TRPM3: variants seen among roughly 807,000 people sequenced by gnomAD.
The protein encoded by TRPM3 is transient receptor potential cation channel subfamily M member 3, also known as long transient receptor potential channel 3.
A neutral mutation model predicts 181.2 loss-of-function variants in TRPM3; 77 were observed. The ratio of observed to expected loss-of-function variants is 0.42; its 90% CI spans 0.35 to 0.51. The LOEUF is 0.51. Among genes scored for constraint, TRPM3 ranks in the 20% least tolerant of loss-of-function variants. TRPM3 has a pLI of 0.01. For missense variants in TRPM3, 1,759 were observed against 2,196.7 expected (o/e 0.80, Z 3.98); for synonymous variants, 745 against 796.4 (o/e 0.94, Z 1.09).
intron 6 of TRPM3, among the ~76,000 whole-genome samples, chr9:70,788,302 A>T (rs1160510035): frequency 6.6e-6 from 1 of 151,276 alleles, no homozygotes; most frequent in Non-Finnish European, 1.5e-5. Context: ...TTGTTAATGG[A>T]CCCTTGCAAA....
intron 1 of TRPM3, among the ~76,000 whole-genome samples, chr9:71,349,765 C>T (rs188098094): frequency 5.0e-4 from 76 of 152,132 alleles, no homozygotes; most frequent in Middle Eastern, 3.4e-3. Flanking sequence ...CTTTCCCCCA[C>T]GTGAATTCTT....
intron 1 of TRPM3, among the ~76,000 whole-genome samples, chr9:70,874,795 T>C (rs1361592680): frequency 2.0e-5 from 3 of 151,828 alleles, no homozygotes; most frequent in African/African-American, 7.3e-5. Context: ...AATGAAAAAA[T>C]AGTTACAAAG....
intron 3 of TRPM3, among the ~76,000 whole-genome samples, chr9:70,849,298 C>T (rs2095124541): frequency 6.6e-6 from 1 of 152,134 alleles, no homozygotes; most frequent in Non-Finnish European, 1.5e-5. Context: ...GTGCCCACCA[C>T]CAGGCCCAGC....
chr9:71,261,634 A>C (rs2083060744), intron 1 of TRPM3, among the ~76,000 whole-genome samples: 1 of 152,104 alleles, frequency 6.6e-6, no homozygotes, highest in East Asian at 1.9e-4. Context: ...CCTAATCTTC[A>C]TGGATTTATC....
At chr9:71,066,485 T>C (rs903012302) in intron 1 of TRPM3, among the ~76,000 whole-genome samples, 13 of 152,162 alleles carry the variant, frequency 8.5e-5, no homozygotes, top group Admixed American at 3.9e-4. Context: ...TCATAAATAA[T>C]GGATTCTATA....
intron 6 of TRPM3, among the ~76,000 whole-genome samples, chr9:70,791,988 G>A (rs752053586): frequency 6.6e-6 from 1 of 152,162 alleles, no homozygotes; most frequent in Non-Finnish European, 1.5e-5. Context: ...AAGGACAGAA[G>A]CTGGGCAGTG....
chr9:70,637,013 G>A (rs920485516), intron 11 of TRPM3, among the ~76,000 whole-genome samples: 1 of 152,102 alleles, frequency 6.6e-6, no homozygotes, highest in Non-Finnish European at 1.5e-5. Context: ...AACCATTCAA[G>A]TATTGAGACA....
At chr9:70,803,121 G>C (rs2089674371) in intron 6 of TRPM3, among the ~76,000 whole-genome samples, 1 of 150,890 alleles carries the variant, frequency 6.6e-6, no homozygotes, top group Non-Finnish European at 1.5e-5. Flanking sequence ...GTCTTTGATG[G>C]GGGAGAAGTG....
At chr9:71,263,619 A>C (rs1032686262) in intron 1 of TRPM3, among the ~76,000 whole-genome samples, 1 of 152,086 alleles carries the variant, frequency 6.6e-6, no homozygotes, top group Non-Finnish European at 1.5e-5. Flanking sequence ...CAGCACTTAC[A>C]TGGTTCTGCA....
rs143154888 is a variant in TRPM3 at position 71,204,940 on chromosome 9, A to C, written c.183+241713T>G. ...GACATGGATGAAGCCAGAAACCATC[A>C]TTCTCCGTAAACTATCGCAAGGACA... On this transcript the variant is annotated intron_variant, in intron 1 of 24. Transcript: ENST00000357533. Among the ~76,000 whole-genome samples, 206 of 152,216 alleles carry C rather than the reference A, an allele frequency of 1.4e-3. 2 individuals are homozygous for C. Among genetic ancestry groups the C allele is most frequent in the African/African-American group, 3.7e-3 (152 of 41,522 alleles).
chr9:70,956,041 C>T lies in TRPM3; in HGVS notation c.178-91530G>A, dbSNP rs570144951. ...AATGAGTTTTTATATCAGAGGAACTCCCAATATTCTAACTGAGCTATTTAG... is the reference window on the plus strand; with the variant it reads ...AATGAGTTTTTATATCAGAGGAACTTCCAATATTCTAACTGAGCTATTTAG... On this transcript the variant is annotated intron_variant, in intron 1 of 25. Coordinates refer to ENST00000677713, the MANE Select transcript of TRPM3 (RefSeq NM_001366145.2). Among the ~76,000 whole-genome samples the T allele has an allele frequency of 2.3e-3, 356 of 152,250 alleles. 4 individuals carry two copies. Among genetic ancestry groups the T allele is most frequent in the Middle Eastern group, 6.8e-3 (2 of 294 alleles).
intron 1 of TRPM3, among the ~76,000 whole-genome samples, chr9:70,915,500 T>C (rs1208049580): frequency 6.6e-6 from 1 of 151,204 alleles, no homozygotes; most frequent in Non-Finnish European, 1.5e-5. Flanking sequence ...AGAGACGGGG[T>C]TTCACCGTGT....
chr9:70,805,394 C>A (rs1206451522), intron 6 of TRPM3, among the ~76,000 whole-genome samples: 2 of 151,786 alleles, frequency 1.3e-5, no homozygotes, highest in South Asian at 2.1e-4. Context: ...ATTAGCCGGG[C>A]ATAGTGGCGG....
intron 1 of TRPM3, among the ~76,000 whole-genome samples, chr9:71,247,868 A>G (rs1588126248): frequency 6.6e-6 from 1 of 152,306 alleles, no homozygotes; most frequent in East Asian, 1.9e-4. Context: ...AGAGACTTAA[A>G]TTTATATTTT....
rs1441067560 is a variant in TRPM3, at chr9:70,603,383, T to C, written c.2755A>G (p.Ile919Val). 8 of 1,614,098 alleles carry C rather than the reference T, an allele frequency of 5.0e-6. No individual in the cohort carries two copies. The East Asian group carries it at 1.6e-4, about 31-fold the overall frequency. ...RWPSTQEWIV[I>V]SYIFTLGIEK... is the part of the protein sequence containing the mutation. ...ATTCCCAGGGTGAAAATATAGGAGA[T>C]TACGATCCATTCCTGGGTGGACGGC... The change falls in exon 20 of 26, where the codon ATC (isoleucine) becomes GTC (valine). Residue 919 changes from isoleucine (I) to valine (V), a missense_variant. Ile to Val is a conservative substitution (Grantham distance 29). Around this residue, in one of 8 missense-constraint regions of TRPM3, gnomAD observed 100 missense variants for 123.0 expected, o/e 0.81. Transcript: ENST00000677713.
At chr9:71,262,548 G>A (rs1272335587) in intron 1 of TRPM3, among the ~76,000 whole-genome samples, 1 of 152,156 alleles carries the variant, frequency 6.6e-6, no homozygotes, top group Non-Finnish European at 1.5e-5. Context: ...TGGTATTCCA[G>A]GTGCCACTGG....
At chr9:71,296,988 CTTTTTT>C (rs398010878) in intron 1 of TRPM3, among the ~76,000 whole-genome samples, 30 of 97,854 alleles carry the variant, frequency 3.1e-4, no homozygotes, top group African/African-American at 9.2e-4. Flanking sequence ...TGAATCTTTT[CTTTTTT>C]TTTTTTTTTT....
At chr9:71,443,063 T>C (rs1023067923) in intron 1 of TRPM3, among the ~76,000 whole-genome samples, 1 of 152,204 alleles carries the variant, frequency 6.6e-6, no homozygotes, top group South Asian at 2.1e-4. Flanking sequence ...ATAATAAAAC[T>C]ATGAAATTAA....
chr9:71,420,330 G>A (rs900156194), intron 1 of TRPM3, among the ~76,000 whole-genome samples: 3 of 151,876 alleles, frequency 2.0e-5, no homozygotes, highest in Non-Finnish European at 4.4e-5. Context: ...AACCATGACG[G>A]ATTTGTCTTA....
Sources: gnomAD v4.1 joint callset for allele counts (sites outside exome capture counted in the v4.1 genomes callset) on GRCh38, gnomAD v4.1.1 for gene constraint, gnomAD v4.1.1 regional missense constraint, MANE v1.5 for transcripts, NCBI Gene and HGNC (gene_info 2026-07-23, HGNC 2026-07-21) for gene names.